The following RBFOX1 variants were observed in gnomAD, a reference collection of about 807,000 sequenced individuals.
RBFOX1 encodes the protein RNA binding protein fox-1 homolog 1.
A neutral mutation model predicts 57.7 loss-of-function variants in RBFOX1; 8 were observed. That is an observed-to-expected ratio of 0.14 (90% CI 0.08 to 0.25). The LOEUF is 0.25. Among genes scored for constraint, RBFOX1 ranks in the 10% least tolerant of loss-of-function variants. RBFOX1 has a pLI of 1.00. For missense variants in RBFOX1, 611 were observed against 548.5 expected (o/e 1.11, Z -1.14); for synonymous variants, 326 against 222.4 (o/e 1.47, Z -4.15).
intron 10 of RBFOX1, among the ~76,000 whole-genome samples, chr16:7,624,063 A>C (rs1029561370): frequency 6.6e-6 from 1 of 152,170 alleles, no homozygotes; most frequent in African/African-American, 2.4e-5. Flanking sequence ...TTTCATCTAA[A>C]ATTTACCTCT....
At chr16:7,001,404 A>G (rs769490137) in intron 3 of RBFOX1, among the ~76,000 whole-genome samples, 1,302 of 43,624 alleles carry the variant, frequency 0.03, 20 homozygotes, top group African/African-American at 0.057. Flanking sequence ...GTATTTGTAT[A>G]TGTATATGTA....
At chr16:7,127,727 A>G (rs1393902597) in intron 4 of RBFOX1, among the ~76,000 whole-genome samples, 4 of 152,210 alleles carry the variant, frequency 2.6e-5, no homozygotes, top group African/African-American at 9.6e-5. Flanking sequence ...ATATGCTTCA[A>G]AACGAGCTTT....
chr16:6,542,783 C>T (rs535338167), intron 2 of RBFOX1, among the ~76,000 whole-genome samples: 18 of 152,166 alleles, frequency 1.2e-4, no homozygotes, highest in Admixed American at 3.3e-4. Flanking sequence ...TGAACCACTG[C>T]GCCCGGCCGG....
chr16:6,687,721 G>A (rs1020854324), intron 3 of RBFOX1, among the ~76,000 whole-genome samples: 4 of 152,084 alleles, frequency 2.6e-5, no homozygotes, highest in African/African-American at 7.2e-5. Flanking sequence ...GGCCGGGGAG[G>A]ACAGAGGATG....
intron 3 of RBFOX1, among the ~76,000 whole-genome samples, chr16:7,040,098 G>A (rs2045699410): frequency 6.6e-6 from 1 of 151,878 alleles, no homozygotes; most frequent in Non-Finnish European, 1.5e-5. Context: ...TCAGCTCACT[G>A]CAACCTCTGC....
intron 3 of RBFOX1, among the ~76,000 whole-genome samples, chr16:5,739,882 A>G (rs2052714553): frequency 6.6e-6 from 1 of 152,206 alleles, no homozygotes; most frequent in African/African-American, 2.4e-5. Flanking sequence ...AAGCCTTGGG[A>G]TATTAAAAAT....
intron 4 of RBFOX1, among the ~76,000 whole-genome samples, chr16:7,258,007 G>C (rs371232053): frequency 9.2e-5 from 14 of 152,312 alleles, no homozygotes; most frequent in African/African-American, 2.6e-4. Flanking sequence ...TCTGACATTT[G>C]AGATGTTCAA....
At chr16:7,407,400 G>A (rs199548694) in intron 4 of RBFOX1, among the ~76,000 whole-genome samples, 4 of 142,904 alleles carry the variant, frequency 2.8e-5, no homozygotes, top group Non-Finnish European at 4.7e-5. Context: ...GTGTGTGTGT[G>A]TGTGTATGTG....
intron 4 of RBFOX1, among the ~76,000 whole-genome samples, chr16:7,306,419 G>C (rs1409458707): frequency 6.6e-6 from 1 of 152,170 alleles, no homozygotes; most frequent in Admixed American, 6.5e-5. Flanking sequence ...CAAATATTTA[G>C]AAGTGACTAA....
intron 1 of RBFOX1, among the ~76,000 whole-genome samples, chr16:6,219,954 A>AAAT (rs1467683430): frequency 2.0e-5 from 3 of 152,222 alleles, no homozygotes; most frequent in African/African-American, 7.2e-5. Flanking sequence ...CTCTTAGCAC[A>AAAT]AATGTAACAT....
intron 1 of RBFOX1, among the ~76,000 whole-genome samples, chr16:6,240,178 C>G (rs1345432417): frequency 6.6e-6 from 1 of 152,192 alleles, no homozygotes; most frequent in Admixed American, 6.5e-5. Context: ...AGAAGCCAAA[C>G]AGATGAGAGT....
At chr16:6,143,896 A>G (rs2096737670) in intron 1 of RBFOX1, among the ~76,000 whole-genome samples, 1 of 151,756 alleles carries the variant, frequency 6.6e-6, no homozygotes, top group Admixed American at 6.6e-5. Flanking sequence ...CCTGGGCTCA[A>G]GCGATCTTCC....
At chr16:7,512,750 C>T (rs1177261187) in intron 4 of RBFOX1, among the ~76,000 whole-genome samples, 1 of 152,240 alleles carries the variant, frequency 6.6e-6, no homozygotes, top group Non-Finnish European at 1.5e-5. Flanking sequence ...CGGATAGCCT[C>T]AAGGCATTTC....
At chr16:6,699,483 G>GTC (rs1008960797) in intron 3 of RBFOX1, among the ~76,000 whole-genome samples, 2 of 152,134 alleles carry the variant, frequency 1.3e-5, no homozygotes, top group African/African-American at 4.8e-5. Flanking sequence ...TATTAATTCA[G>GTC]TTAATTTCAG....
intron 2 of RBFOX1, among the ~76,000 whole-genome samples, chr16:6,531,512 T>C (rs1412622966): frequency 6.6e-6 from 1 of 152,226 alleles, no homozygotes; most frequent in Non-Finnish European, 1.5e-5. Flanking sequence ...TGAAATATTT[T>C]TACTTTTCAT....
intron 1 of RBFOX1, among the ~76,000 whole-genome samples, chr16:5,268,134 A>G (rs936266035): frequency 1.3e-5 from 2 of 152,082 alleles, no homozygotes; most frequent in Non-Finnish European, 2.9e-5. Context: ...CTCTAACACA[A>G]ATTTGGTAAG....
intron 3 of RBFOX1, among the ~76,000 whole-genome samples, chr16:5,670,456 A>G (rs1567374890): frequency 2.6e-5 from 4 of 152,196 alleles, no homozygotes; most frequent in Non-Finnish European, 4.4e-5. Context: ...ACCAACACCA[A>G]TGTAAGTTGT....
intron 1 of RBFOX1, among the ~76,000 whole-genome samples, chr16:5,293,745 C>T (rs1243468746): frequency 8.2e-6 from 1 of 121,540 alleles, no homozygotes; most frequent in African/African-American, 3.2e-5. Flanking sequence ...TTGCCAGGTG[C>T]TGGGGGAAAG....
At chr16:7,575,824 T>A (rs7196554) in intron 5 of RBFOX1, among the ~76,000 whole-genome samples, 2 of 152,046 alleles carry the variant, frequency 1.3e-5, no homozygotes, top group African/African-American at 2.4e-5. Flanking sequence ...TGGAGGGCTT[T>A]GTGATGATCT....
Sources: allele counts gnomAD v4.1 joint callset (sites outside exome capture counted in the v4.1 genomes callset), GRCh38; gene constraint gnomAD v4.1.1; transcripts MANE v1.5; gene names NCBI Gene and HGNC (gene_info 2026-07-23, HGNC 2026-07-21).